FAM90A20: variants seen among roughly 807,000 people sequenced by gnomAD.
FAM90A20 encodes the protein protein FAM90A20.
At chr8:7,297,410 A>C in the FAM90A20 span, 2 of 1,549,076 alleles carry the variant, frequency 1.3e-6, 1 homozygote. Flanking sequence ...GGCACAAGAC[A>C]AACGTCCTGC....
the FAM90A20 span, chr8:7,297,737 C>G: frequency 6.0e-6 from 9 of 1,491,994 alleles, 2 homozygotes; most frequent in African/African-American, 4.0e-5. Flanking sequence ...CAGACCTTGC[C>G]TGCCTACTGC....
At chr8:7,296,278 C>G in the FAM90A20 span, 23 of 723,800 alleles carry the variant, frequency 3.2e-5, 4 homozygotes, top group Admixed American at 9.1e-5. Flanking sequence ...TGACCTTTTT[C>G]TGTTCTGCAG....
At chr8:7,296,930 A>G in the FAM90A20 span, 3 of 757,124 alleles carry the variant, frequency 4.0e-6, no homozygotes, top group South Asian at 1.6e-5. Flanking sequence ...GTCTGTCCCT[A>G]CTTCCAAGGA....
chr8:7,296,087 TCA>T, the FAM90A20 span, among the ~76,000 whole-genome samples: 2 of 130,142 alleles, frequency 1.5e-5, 1 homozygote. Context: ...GGAATCCAAA[TCA>T]CAGTCCTTAG....
chr8:7,297,544 C>T, the FAM90A20 span: 13 of 1,524,618 alleles, frequency 8.5e-6, no homozygotes, highest in Non-Finnish European at 1.2e-5. Context: ...TGAACTTCCC[C>T]AAGAAACCGA....
At chr8:7,296,302 C>G in the FAM90A20 span, 8 of 737,812 alleles carry the variant, frequency 1.1e-5, no homozygotes, top group Non-Finnish European at 2.0e-5. Flanking sequence ...ACAAGACCCG[C>G]AGAGGAAGGC....
At chr8:7,296,047 C>T in the FAM90A20 span, among the ~76,000 whole-genome samples, 15 of 130,024 alleles carry the variant, frequency 1.2e-4, 3 homozygotes, top group South Asian at 1.1e-3. Flanking sequence ...GCGCTTCATG[C>T]AGGTTCCCCA....
chr8:7,297,651 G>T, the FAM90A20 span: 6 of 1,397,168 alleles, frequency 4.3e-6, no homozygotes, highest in East Asian at 2.3e-5. Flanking sequence ...ACCGAACTTG[G>T]ACCAAGTAGG....
At chr8:7,297,169 G>T in the FAM90A20 span, 1 of 1,535,936 alleles carries the variant, frequency 6.5e-7, no homozygotes, top group Non-Finnish European at 8.8e-7. Flanking sequence ...GCTCCGTCTT[G>T]GCTTCACTGT....
At chr8:7,296,463 C>A in the FAM90A20 span, 233 of 695,100 alleles carry the variant, frequency 3.4e-4, 14 homozygotes, top group Admixed American at 1.9e-4. Context: ...TTCCTTTCAG[C>A]TTCCCGTCTG....
the FAM90A20 span, chr8:7,296,432 C>T: frequency 2.9e-5 from 21 of 721,266 alleles, 3 homozygotes; most frequent in Non-Finnish European, 2.5e-6. Context: ...TCCTTTTATC[C>T]TCTAGGTAAC....
At chr8:7,297,693 A>C in the FAM90A20 span, 2 of 1,414,140 alleles carry the variant, frequency 1.4e-6, 1 homozygote, top group African/African-American at 4.2e-5. Flanking sequence ...ACACCGGCCC[A>C]GGTGCCCAGC....
the FAM90A20 span, chr8:7,297,687 C>A: frequency 1.4e-5 from 19 of 1,406,004 alleles, no homozygotes; most frequent in Non-Finnish European, 1.7e-5. Flanking sequence ...AGGAGGACAC[C>A]GGCCCAGGTG....
chr8:7,297,778 G>T, the FAM90A20 span: 9 of 1,425,810 alleles, frequency 6.3e-6, 1 homozygote, highest in East Asian at 2.3e-5. Context: ...ATCACCCAGC[G>T]GCCAGCCATG....
chr8:7,297,562 T>G, the FAM90A20 span: 2 of 1,514,358 alleles, frequency 1.3e-6, no homozygotes, highest in South Asian at 1.1e-5. Context: ...CGAGACTGGG[T>G]CCCTTCCAGA....
At chr8:7,296,267 C>A in the FAM90A20 span, 1 of 713,194 alleles carries the variant, frequency 1.4e-6, no homozygotes, top group South Asian at 1.4e-5. Context: ...GGGGCACGGC[C>A]TGACCTTTTT....
At chr8:7,296,543 A>T in the FAM90A20 span, 8 of 610,494 alleles carry the variant, frequency 1.3e-5, 1 homozygote, top group South Asian at 1.0e-4. Flanking sequence ...CTTGCAGGTC[A>T]GTTTGATTCC....
chr8:7,297,228 A>G, the FAM90A20 span: 2 of 1,514,574 alleles, frequency 1.3e-6, no homozygotes, highest in South Asian at 1.1e-5. Flanking sequence ...CTTGGACCAA[A>G]GGAAAGACAG....
At chr8:7,297,654 C>G in the FAM90A20 span, 4 of 1,394,342 alleles carry the variant, frequency 2.9e-6, 1 homozygote, top group South Asian at 2.3e-5. Context: ...GAACTTGGAC[C>G]AAGTAGGTCG....
Sources: allele counts gnomAD v4.1 joint callset (sites outside exome capture counted in the v4.1 genomes callset), GRCh38; gene constraint gnomAD v4.1.1; transcripts MANE v1.5; gene names NCBI Gene and HGNC (gene_info 2026-07-23, HGNC 2026-07-21).